Variants in LIN52 observed in about 807,000 individuals in gnomAD.
LIN52 encodes protein lin-52 homolog.
A neutral mutation model predicts 18.5 loss-of-function variants in LIN52; 4 were observed. The ratio of observed to expected loss-of-function variants is 0.22; its 90% confidence interval spans 0.11 to 0.49. The LOEUF is 0.49. Ranked by LOEUF, LIN52 falls within the 20% of genes least tolerant of loss-of-function variation. The pLI, the probability that LIN52 is intolerant of heterozygous loss-of-function variation, is 0.97. For synonymous variants in LIN52, 34 were observed against 45.5 expected (o/e 0.75, Z 1.02); for missense variants, 102 against 139.5 (o/e 0.73, Z 1.35).
intron 5 of LIN52, among the ~76,000 whole-genome samples, chr14:74,160,018 A>G (rs774174511): frequency 6.6e-6 from 1 of 152,128 alleles, no homozygotes; most frequent in Admixed American, 6.5e-5. Flanking sequence ...TTTTTAAGAG[A>G]TCTCTGTTAT....
At chr14:74,150,051 C>A (rs1211663785) in intron 5 of LIN52, among the ~76,000 whole-genome samples, 1 of 152,160 alleles carries the variant, frequency 6.6e-6, no homozygotes, top group East Asian at 1.9e-4. Context: ...AAATAGGAGG[C>A]TTTAAATGGC....
chr14:74,134,525 A>G (rs1415395810), intron 5 of LIN52, among the ~76,000 whole-genome samples: 1 of 152,210 alleles, frequency 6.6e-6, no homozygotes, highest in Non-Finnish European at 1.5e-5. Context: ...TTGAATTGAT[A>G]TGGTAGATGT....
At chr14:74,134,456 CTG>C (rs1386658971) in intron 5 of LIN52, among the ~76,000 whole-genome samples, 3 of 152,178 alleles carry the variant, frequency 2.0e-5, no homozygotes, top group East Asian at 1.9e-4. Context: ...CCTAGGATAA[CTG>C]TGTGTTGAAG....
At chr14:74,158,807 T>C (rs1325035216) in intron 5 of LIN52, among the ~76,000 whole-genome samples, 1 of 152,238 alleles carries the variant, frequency 6.6e-6, no homozygotes, top group African/African-American at 2.4e-5. Context: ...AGATCAGAAA[T>C]CGAATTTATT....
chr14:74,162,780 C>T (rs2109753), intron 5 of LIN52, among the ~76,000 whole-genome samples: 123,896 of 152,022 alleles, frequency 0.81, 50,694 homozygotes, highest in Admixed American at 0.83. Context: ...CAACTTTTCT[C>T]TTTTTAACGA....
intron 5 of LIN52, among the ~76,000 whole-genome samples, chr14:74,132,799 G>A (rs1033587547): frequency 2.0e-5 from 3 of 151,878 alleles, no homozygotes; most frequent in Non-Finnish European, 1.5e-5. Context: ...GAGCCACCGC[G>A]CCCAGCCATG....
At chr14:74,129,321 ATAAG>A (rs1321245130) in intron 5 of LIN52, among the ~76,000 whole-genome samples, 7 of 152,214 alleles carry the variant, frequency 4.6e-5, no homozygotes, top group Non-Finnish European at 8.8e-5. Context: ...TTAATCAAAT[ATAAG>A]TAAGGTTTCT....
In LIN52 at chr14:74,140,128, A is replaced by T. The variant is rs2061121683; in HGVS notation, c.283+38890A>T. Among the ~76,000 whole-genome samples, 3 of 152,222 alleles carry T rather than the reference A, an allele frequency of 2.0e-5. No homozygotes were observed. In the South Asian group the frequency reaches 6.2e-4, roughly 32 times the overall value. Reference sequence around the variant, plus strand: ...TTCACTTAAAAGCTTTTTAAAAATAACTTAGCCCAAAACACCAAATAAGTC... The same window carrying T: ...TTCACTTAAAAGCTTTTTAAAAATATCTTAGCCCAAAACACCAAATAAGTC... On this transcript the variant is annotated intron_variant, in intron 5 of 5. Coordinates refer to ENST00000555028, the MANE Select transcript of LIN52 (RefSeq NM_001024674.3).
intron 5 of LIN52, among the ~76,000 whole-genome samples, chr14:74,195,556 A>ATGTG (rs59249126): frequency 0.024 from 3,559 of 149,620 alleles, 77 homozygotes; most frequent in African/African-American, 0.059. Flanking sequence ...GTGTGTGTGT[A>ATGTG]TGTGTGTGTG....
At chr14:74,125,442 C>T (rs1486489729) in intron 5 of LIN52, among the ~76,000 whole-genome samples, 59 of 152,194 alleles carry the variant, frequency 3.9e-4, no homozygotes, top group African/African-American at 8.4e-4. Context: ...TCATATCCTT[C>T]GCCCACTTTT....
intron 5 of LIN52, among the ~76,000 whole-genome samples, chr14:74,103,422 GTAAGA>G (rs1453414433): frequency 2.0e-3 from 274 of 135,300 alleles, no homozygotes; most frequent in Non-Finnish European, 3.3e-3. Context: ...GGCACAAAAT[GTAAGA>G]TTTTTTTTTT....
intron 5 of LIN52, among the ~76,000 whole-genome samples, chr14:74,146,157 C>T (rs778930439): frequency 2.0e-5 from 3 of 152,122 alleles, no homozygotes; most frequent in Admixed American, 6.6e-5. Context: ...TCCCATGTTT[C>T]CTGAATCATC....
Position 74,091,280 on chromosome 14 carries a change from C to T in LIN52, c.68C>T (p.Ala23Val), listed in dbSNP as rs756128196. 4.3e-6 allele frequency: 7 copies of T among 1,610,274 alleles called. No individual in the cohort carries two copies. Among genetic ancestry groups the T allele is most frequent in the Non-Finnish European group, 5.1e-6 (6 of 1,176,908 alleles). ...SLLSFEKLDR[A>V]SPDLWPEQLP... ...CTAAGTTTTGAAAAACTTGACCGTG[C>T]CTCACCAGATCTTTGGCCAGAACAA... The change falls in exon 2 of 6, where the codon GCC (alanine) becomes GTC (valine). Residue 23 changes from alanine (A) to valine (V), a missense_variant. Coordinates refer to ENST00000555028, the MANE Select transcript of LIN52 (RefSeq NM_001024674.3).
rs1031091784 is a variant in LIN52, at chr14:74,130,525, G to A, written c.283+29287G>A. On this transcript the variant is annotated intron_variant, in intron 5 of 5. Coordinates refer to ENST00000555028, the MANE Select transcript of LIN52 (RefSeq NM_001024674.3). Reference sequence around the variant, plus strand: ...ACTCCTGACCTCAGGTGATCTGCCCGCCTTGGCCTCCCAAAGTGCTGAGAT... The same window carrying A: ...ACTCCTGACCTCAGGTGATCTGCCCACCTTGGCCTCCCAAAGTGCTGAGAT... 2.7e-4 allele frequency among the ~76,000 whole-genome samples: 40 copies of A among 149,752 alleles called. 1 individual carries two copies. The highest frequency in any genetic ancestry group is 2.2e-3 in the Admixed American group (33 of 14,974).
At chr14:74,137,221 T>C (rs2061102741) in intron 5 of LIN52, among the ~76,000 whole-genome samples, 1 of 150,032 alleles carries the variant, frequency 6.7e-6, no homozygotes, top group Non-Finnish European at 1.5e-5. Context: ...CCTTAGCCAT[T>C]TGGAAGTAAA....
chr14:74,111,938 T>C (rs4903185), intron 5 of LIN52, among the ~76,000 whole-genome samples: 16,952 of 151,700 alleles, frequency 0.11, 1,245 homozygotes, highest in Admixed American at 0.19. Flanking sequence ...TGGAGTGCAA[T>C]GGCGTGATCT....
chr14:74,123,432 T>A (rs570992158), intron 5 of LIN52, among the ~76,000 whole-genome samples: 1 of 152,178 alleles, frequency 6.6e-6, no homozygotes, highest in Non-Finnish European at 1.5e-5. Flanking sequence ...TAGGTGTATA[T>A]AGGAAGAAGA....
chr14:74,137,516 T>TTTTTTTTTTTA (rs1332039327), intron 5 of LIN52, among the ~76,000 whole-genome samples: 1 of 144,680 alleles, frequency 6.9e-6, no homozygotes, highest in African/African-American at 2.5e-5. Flanking sequence ...TTTTTTTTTT[T>TTTTTTTTTTTA]GAGATGGAGT....
chr14:74,199,047 C>A lies in LIN52; in HGVS notation c.*70C>A. On this transcript the variant is annotated 3_prime_UTR_variant, in exon 6 of 6. Transcript: ENST00000555028. ...CCTTCCCGGTGCACCTCTAACAATGCACACCTCACTGCTTGCTTGGGAGAG... is the reference window on the plus strand; with the variant it reads ...CCTTCCCGGTGCACCTCTAACAATGAACACCTCACTGCTTGCTTGGGAGAG... The A allele has an allele frequency of 1.9e-6, 2 of 1,069,180 alleles. No individual in the cohort carries two copies. Among genetic ancestry groups the A allele is most frequent in the Non-Finnish European group, 2.9e-6 (2 of 689,320 alleles). 66.2% of individuals were successfully genotyped at this position (1,069,180 alleles called of 1,614,324 possible).
Sources: allele counts gnomAD v4.1 joint callset (sites outside exome capture counted in the v4.1 genomes callset), GRCh38; gene constraint gnomAD v4.1.1; transcripts MANE v1.5; gene names NCBI Gene and HGNC (gene_info 2026-07-23, HGNC 2026-07-21).